Variants in SNX29 observed in about 807,000 individuals in gnomAD.
The protein encoded by SNX29 is sorting nexin-29.
SNX29 carries 78 observed loss-of-function variants against 102.1 expected under a neutral mutation model. The observed-to-expected ratio is 0.76, with a 90% confidence interval of 0.64 to 0.92. The LOEUF (loss-of-function observed/expected upper bound fraction) is 0.92. Ranked by LOEUF, SNX29 falls within the 40% of genes least tolerant of loss-of-function variation. The pLI, the probability that SNX29 is intolerant of heterozygous loss-of-function variation, is 0.00. For missense variants in SNX29, 1,280 were observed against 1,061.7 expected (o/e 1.21, Z -2.86); for synonymous variants, 580 against 414.5 (o/e 1.40, Z -4.85).
chr16:12,560,426 G>T (rs571297314), intron 20 of SNX29, among the ~76,000 whole-genome samples: 1 of 152,116 alleles, frequency 6.6e-6, no homozygotes, highest in Admixed American at 6.5e-5. Flanking sequence ...TGTCCTGTAG[G>T]CATCCATGTC....
chr16:12,388,587 G>A (rs966726457), intron 16 of SNX29, among the ~76,000 whole-genome samples: 2 of 152,166 alleles, frequency 1.3e-5, no homozygotes, highest in African/African-American at 2.4e-5. Flanking sequence ...TGCGGGTCAC[G>A]CTGTCTCTCT....
intron 19 of SNX29, among the ~76,000 whole-genome samples, chr16:12,489,998 G>T (rs919145452): frequency 2.0e-5 from 3 of 152,060 alleles, no homozygotes; most frequent in Non-Finnish European, 4.4e-5. Flanking sequence ...TAGAGATGGG[G>T]TTTCTCCATG....
rs150547166 is a variant in SNX29 at position 12,307,804 on chromosome 16, C to T, written c.1782+29768C>T. Reference sequence around the variant, plus strand: ...TAGCCATCAATGGCAAAACACACCTCCATCGGTCAGCAAAGTCCTGCTACC... The same window carrying T: ...TAGCCATCAATGGCAAAACACACCTTCATCGGTCAGCAAAGTCCTGCTACC... On this transcript the variant is annotated intron_variant, in intron 15 of 20. Transcript: ENST00000566228. 9.8e-5 allele frequency among the ~76,000 whole-genome samples: 15 copies of T among 152,328 alleles called. No individual in the cohort carries two copies. In the East Asian group the frequency reaches 2.5e-3, roughly 25 times the overall value.
intron 14 of SNX29, among the ~76,000 whole-genome samples, chr16:12,225,915 C>G (rs2077598700): frequency 6.6e-6 from 1 of 152,206 alleles, no homozygotes; most frequent in African/African-American, 2.4e-5. Context: ...TGCCTTTTAA[C>G]TAACCCCAGT....
rs558629439 is a variant in SNX29, at chr16:12,538,240, C to T, written c.2318+13399C>T. ...ATGCCATTCTTGTGCCTCAGTCTCCCTAGTAGCTGGGATTACAGGGATCTG... is the reference window on the plus strand; with the variant it reads ...ATGCCATTCTTGTGCCTCAGTCTCCTTAGTAGCTGGGATTACAGGGATCTG... On this transcript the variant is annotated intron_variant, in intron 20 of 20. Transcript: ENST00000566228. Among the ~76,000 whole-genome samples, 31 of 152,222 alleles carry T rather than the reference C, an allele frequency of 2.0e-4. No homozygotes were observed. In the South Asian group the frequency reaches 6.4e-3, roughly 32 times the overall value.
At chr16:12,529,844 A>C (rs2076884915) in intron 20 of SNX29, among the ~76,000 whole-genome samples, 2 of 152,178 alleles carry the variant, frequency 1.3e-5, no homozygotes, top group Non-Finnish European at 2.9e-5. Flanking sequence ...GCTGCTTTGC[A>C]AGTCACTGCT....
intron 13 of SNX29, among the ~76,000 whole-genome samples, chr16:12,162,916 C>A (rs1415812254): frequency 6.6e-6 from 1 of 152,070 alleles, no homozygotes; most frequent in East Asian, 1.9e-4. Context: ...CAGTCTCACT[C>A]TGTTGCCAAA....
rs1436006570 is a variant in SNX29, at chr16:12,570,273, C to T, written c.*1644C>T. ...GCTGGAGCATGTATGGAGGTGCGGA[C>T]CCTGCAGTCAGTTTGCGAGTGTGGA... On this transcript the variant is annotated 3_prime_UTR_variant, in exon 21 of 21. Coordinates refer to ENST00000566228, the MANE Select transcript of SNX29 (RefSeq NM_032167.5). 3 of 1,064,734 alleles carry T rather than the reference C, an allele frequency of 2.8e-6. No homozygotes were observed. The highest frequency in any genetic ancestry group is 2.3e-6 in the Non-Finnish European group (2 of 878,808). 66.0% of individuals were successfully genotyped at this position (1,064,734 alleles called of 1,614,324 possible).
Position 12,573,257 on chromosome 16 carries a change from C to CA in SNX29, c.*4629dup, listed in dbSNP as rs1422962359. 1.3e-5 allele frequency: 3 copies of CA among 227,340 alleles called. No individual in the cohort carries two copies. Among genetic ancestry groups the CA allele is most frequent in the African/African-American group, 6.7e-5 (3 of 45,042 alleles). The allele number at this position is 227,340 out of a possible 1,614,324, so 14.1% of individuals were successfully genotyped here. On this transcript the variant is annotated 3_prime_UTR_variant, in exon 21 of 21. Transcript: ENST00000566228. ...GTTGTTGAAATGTACCTCGATCAGT[C>CA]ATCTCTGGTATTCCTCACTCTAGCC... is the stretch of plus-strand genomic sequence containing the variant.
intron 19 of SNX29, among the ~76,000 whole-genome samples, chr16:12,514,918 GAGAAA>G (rs1388650961): frequency 1.3e-5 from 2 of 149,218 alleles, no homozygotes; most frequent in African/African-American, 5.0e-5. Context: ...GAAAGAAAGA[GAGAAA>G]GAAAGAAAGA....
rs1383459500 is a variant in SNX29, at chr16:12,569,569, A to ACTAAAAACATTTTCCATC, written c.*942_*959dup. 2 of 230,904 alleles carry ACTAAAAACATTTTCCATC rather than the reference A, an allele frequency of 8.7e-6. No homozygotes were observed. The highest frequency in any genetic ancestry group is 1.7e-5 in the Non-Finnish European group (2 of 116,592). 14.3% of individuals were successfully genotyped at this position (230,904 alleles called of 1,614,324 possible). A position where few individuals can be genotyped will look rare whatever the true frequency, so the allele number is the denominator to read the frequency against. On this transcript the variant is annotated 3_prime_UTR_variant, in exon 21 of 21. Transcript: ENST00000566228. ...CACTTAACAGATCATGTGTCTCTCC[A>ACTAAAAACATTTTCCATC]CTAAAAACATTTTCCATCCCGTCTG...
Position 12,135,561 on chromosome 16 carries a change from T to A in SNX29, c.1595+5803T>A, listed in dbSNP as rs1018319152. The A allele has an allele frequency of 3.0e-6, 4 of 1,329,946 alleles. No homozygotes were observed. In the African/African-American group the frequency reaches 5.9e-5, roughly 20 times the overall value. The allele number at this position is 1,329,946 out of a possible 1,614,324, so 82.4% of individuals were successfully genotyped here. On this transcript the variant is annotated intron_variant, in intron 13 of 20. Coordinates refer to ENST00000566228, the MANE Select transcript of SNX29 (RefSeq NM_032167.5). ...CTATTTTGTTGGCAGCTATCTTTGCTATTTTGTGAGGAGATTCTAACCCCA... is the reference window on the plus strand; with the variant it reads ...CTATTTTGTTGGCAGCTATCTTTGCAATTTTGTGAGGAGATTCTAACCCCA...
chr16:12,512,949 T>C (rs562752569), intron 19 of SNX29, among the ~76,000 whole-genome samples: 8 of 152,082 alleles, frequency 5.3e-5, no homozygotes, highest in African/African-American at 1.4e-4. Flanking sequence ...CAGAGCGGAG[T>C]TGCTGGGGTG....
intron 1 of SNX29, among the ~76,000 whole-genome samples, chr16:11,982,068 A>G (rs2055429651): frequency 6.6e-6 from 1 of 152,050 alleles, no homozygotes; most frequent in African/African-American, 2.4e-5. Context: ...CAGGGTGTAG[A>G]ATTATACCTA....
intron 18 of SNX29, among the ~76,000 whole-genome samples, chr16:12,445,288 C>T (rs543255037): frequency 6.6e-6 from 1 of 152,180 alleles, no homozygotes; most frequent in Non-Finnish European, 1.5e-5. Flanking sequence ...ATCCACAAAG[C>T]CTAAAACATT....
chr16:12,408,157 C>CAAAAAAAAA lies in SNX29; in HGVS notation c.2037+4635_2037+4636insAAAAAAAAA, dbSNP rs1555530421. 1.4e-3 allele frequency among the ~76,000 whole-genome samples: 195 copies of CAAAAAAAAA among 142,836 alleles called. 4 individuals carry two copies. Among genetic ancestry groups the CAAAAAAAAA allele is most frequent in the African/African-American group, 2.4e-3 (86 of 36,068 alleles). 93.7% of individuals were successfully genotyped at this position (142,836 alleles called of 152,430 possible). A position where few individuals can be genotyped will look rare whatever the true frequency, so the allele number is the denominator to read the frequency against. ...CTGGGTGGCAGAGCAGGACCCTTCT[C>CAAAAAAAAA]AAAAAAACAAACAAACAAACAAAAA... On this transcript the variant is annotated intron_variant, in intron 18 of 20. Coordinates refer to ENST00000566228, the MANE Select transcript of SNX29 (RefSeq NM_032167.5).
chr16:12,423,605 C>G (rs139477021), intron 18 of SNX29, among the ~76,000 whole-genome samples: 1,783 of 152,246 alleles, frequency 0.012, 40 homozygotes, highest in African/African-American at 0.04. Context: ...GAGTCTGGCT[C>G]TGTCGCCCAG....
chr16:12,380,772 T>A (rs1269400198), intron 16 of SNX29, among the ~76,000 whole-genome samples: 34 of 53,948 alleles, frequency 6.3e-4, no homozygotes, highest in East Asian at 2.0e-3. Context: ...CCACCCACCA[T>A]CCATCCATCC....
At chr16:12,018,195 GGT>G (rs1041646054) in intron 3 of SNX29, among the ~76,000 whole-genome samples, 13 of 152,118 alleles carry the variant, frequency 8.5e-5, no homozygotes, top group African/African-American at 3.1e-4. Context: ...TCAGGAAAAT[GGT>G]GTTTCTTTTT....
Sources: allele counts gnomAD v4.1 joint callset (sites outside exome capture counted in the v4.1 genomes callset), GRCh38; gene constraint gnomAD v4.1.1; transcripts MANE v1.5; gene names NCBI Gene and HGNC (gene_info 2026-07-23, HGNC 2026-07-21).